The following DLGAP1 variants were observed in gnomAD, a reference collection of about 807,000 sequenced individuals.
The protein encoded by DLGAP1 is disks large-associated protein 1.
DLGAP1 carries 11 observed loss-of-function variants against 90.8 expected under a neutral mutation model. The observed-to-expected ratio is 0.12, with a 90% CI of 0.08 to 0.20. DLGAP1 has a LOEUF of 0.20. Ranked by LOEUF, DLGAP1 falls within the 10% of genes least tolerant of loss-of-function variation. The pLI, the probability that DLGAP1 is intolerant of heterozygous loss-of-function variation, is 1.00. For synonymous variants in DLGAP1, 558 were observed against 540.7 expected (o/e 1.03, Z -0.44); for missense variants, 1,050 against 1,333.8 (o/e 0.79, Z 3.31).
At chr18:3,575,959 G>A (rs2055101644) in intron 8 of DLGAP1, among the ~76,000 whole-genome samples, 1 of 152,162 alleles carries the variant, frequency 6.6e-6, no homozygotes, top group South Asian at 2.1e-4. Context: ...TCCATTTTAG[G>A]TCTTTTAACA....
chr18:3,682,904 C>T (rs189396253), intron 7 of DLGAP1, among the ~76,000 whole-genome samples: 123 of 150,562 alleles, frequency 8.2e-4, no homozygotes, highest in Admixed American at 2.3e-3. Flanking sequence ...GTTGCTCAGG[C>T]TGGAGTACAG....
chr18:3,728,321 TATATATAC>T (rs762892257), intron 7 of DLGAP1, among the ~76,000 whole-genome samples: 4,391 of 96,966 alleles, frequency 0.045, 162 homozygotes, highest in African/African-American at 0.16. Context: ...TATATATATA[TATATATAC>T]ATGTTTCATA....
chr18:3,890,355 T>G lies in DLGAP1; in HGVS notation c.-72-10215A>C, dbSNP rs554054994. Among the ~76,000 whole-genome samples, 5 of 152,392 alleles carry G rather than the reference T, an allele frequency of 3.3e-5. No homozygotes were observed. In the East Asian group the frequency reaches 9.6e-4, roughly 29 times the overall value. ...TGTAAGAAGTGAGAAGGACAATCTCTGCAATCGGCTGTTTTTGAAACCTTA... is the reference window on the plus strand; with the variant it reads ...TGTAAGAAGTGAGAAGGACAATCTCGGCAATCGGCTGTTTTTGAAACCTTA... On this transcript the variant is annotated intron_variant, in intron 3 of 12. Coordinates refer to ENST00000315677, the MANE Select transcript of DLGAP1 (RefSeq NM_004746.4).
chr18:4,081,982 C>T (rs1290790706), intron 2 of DLGAP1, among the ~76,000 whole-genome samples: 3 of 150,850 alleles, frequency 2.0e-5, no homozygotes, highest in East Asian at 2.0e-4. Context: ...CTGAGGTGGG[C>T]GGATCACCTG....
chr18:4,267,696 C>T (rs117616814), intron 1 of DLGAP1, among the ~76,000 whole-genome samples: 2 of 152,232 alleles, frequency 1.3e-5, no homozygotes, highest in East Asian at 3.9e-4. Flanking sequence ...GGTTCTGGCT[C>T]AGGATCGCAC....
At chr18:4,408,243 G>T (rs2082705952) in intron 1 of DLGAP1, among the ~76,000 whole-genome samples, 1 of 152,116 alleles carries the variant, frequency 6.6e-6, no homozygotes, top group Non-Finnish European at 1.5e-5. Context: ...TCACGGTAGT[G>T]GTTACAATGC....
chr18:4,118,730 T>C (rs1226745434), intron 2 of DLGAP1, among the ~76,000 whole-genome samples: 2 of 152,052 alleles, frequency 1.3e-5, no homozygotes, highest in African/African-American at 4.8e-5. Context: ...TCAATCAGTT[T>C]CCCTAAGCTT....
At position 3,540,745 on chromosome 18, in the gene DLGAP1, A is replaced by G. The variant is rs1004895546; in HGVS notation, c.2058-6130T>C. Among the ~76,000 whole-genome samples the G allele has an allele frequency of 4.6e-5, 7 of 152,302 alleles. No homozygotes were observed. The South Asian group carries it at 1.4e-3, about 32-fold the overall frequency. On this transcript the variant is annotated intron_variant, in intron 9 of 12. Coordinates refer to ENST00000315677, the MANE Select transcript of DLGAP1 (RefSeq NM_004746.4). ...GTTCATCATTCCTTTGCTTAAATACATCATGCTTGAAGATGTCTTTAAAGT... is the reference window on the plus strand; with the variant it reads ...GTTCATCATTCCTTTGCTTAAATACGTCATGCTTGAAGATGTCTTTAAAGT...
chr18:3,568,321 T>A (rs373139154), intron 8 of DLGAP1, among the ~76,000 whole-genome samples: 1 of 152,192 alleles, frequency 6.6e-6, no homozygotes, highest in Admixed American at 6.6e-5. Flanking sequence ...CTATAGAGTG[T>A]CTTCATTTTT....
chr18:4,311,063 G>T (rs62088073), intron 1 of DLGAP1, among the ~76,000 whole-genome samples: 2,961 of 152,142 alleles, frequency 0.019, 34 homozygotes, highest in Admixed American at 0.029. Context: ...CAAAGCCTAG[G>T]TCTAAAGAGA....
At chr18:3,507,474 T>C (rs1443734316) in intron 11 of DLGAP1, among the ~76,000 whole-genome samples, 4 of 152,064 alleles carry the variant, frequency 2.6e-5, no homozygotes, top group African/African-American at 9.7e-5. Context: ...CGAGCCGAGA[T>C]CGTGCCATTG....
At chr18:3,505,992 T>G (rs2050191768) in intron 11 of DLGAP1, among the ~76,000 whole-genome samples, 2 of 152,098 alleles carry the variant, frequency 1.3e-5, no homozygotes, top group African/African-American at 4.8e-5. Flanking sequence ...ATCCCAACAC[T>G]TTGGGAGGCC....
rs139215953 is a variant in DLGAP1 at position 4,218,527 on chromosome 18, T to C, written c.-266-67240A>G. Among the ~76,000 whole-genome samples, 87 of 152,106 alleles carry C rather than the reference T, an allele frequency of 5.7e-4. No homozygotes were observed. The Middle Eastern group carries it at 0.01, about 18-fold the overall frequency. On this transcript the variant is annotated intron_variant, in intron 1 of 12. Transcript: ENST00000315677. ...CAATATATAATACATTATTATTGAT[T>C]ATGGTCACTATTCTGTGCAATAGAT...
intron 1 of DLGAP1, among the ~76,000 whole-genome samples, chr18:4,375,550 GTTC>G (rs1340857809): frequency 6.6e-6 from 1 of 152,078 alleles, no homozygotes; most frequent in East Asian, 1.9e-4. Flanking sequence ...CCAAAGCTAT[GTTC>G]TTCTTTCTAA....
intron 1 of DLGAP1, among the ~76,000 whole-genome samples, chr18:4,283,642 A>T (rs866564772): frequency 4.6e-5 from 7 of 152,190 alleles, no homozygotes; most frequent in African/African-American, 1.4e-4. Context: ...AGAGTTTATA[A>T]AGAAAGTTTT....
At chr18:3,571,034 A>T (rs2054751502) in intron 8 of DLGAP1, among the ~76,000 whole-genome samples, 1 of 151,952 alleles carries the variant, frequency 6.6e-6, no homozygotes. Context: ...CAAATTGTCA[A>T]GCTCGTCCTG....
rs114125490 is a variant in DLGAP1 at position 3,966,762 on chromosome 18, C to G, written c.-73+38354G>C. On this transcript the variant is annotated intron_variant, in intron 3 of 12. Transcript: ENST00000315677. ...ACATTGGAGATGTTTATTAGATATT[C>G]AAGTGGAGAGGCCGAGTTGGCAGCT... 9.6e-3 allele frequency among the ~76,000 whole-genome samples: 1,456 copies of G among 152,174 alleles called. 27 individuals carry two copies. Among genetic ancestry groups the G allele is most frequent in the African/African-American group, 0.033 (1,381 of 41,504 alleles).
intron 7 of DLGAP1, among the ~76,000 whole-genome samples, chr18:3,644,777 A>G (rs2146356861): frequency 6.6e-6 from 1 of 152,318 alleles, no homozygotes; most frequent in East Asian, 1.9e-4. Flanking sequence ...AATGTGTGGC[A>G]AAGAAGAAAC....
chr18:4,434,889 T>C (rs1207535860), intron 1 of DLGAP1, among the ~76,000 whole-genome samples: 1 of 152,136 alleles, frequency 6.6e-6, no homozygotes, highest in East Asian at 1.9e-4. Context: ...TAAAACACCG[T>C]GTTATTTAGG....
Sources: gnomAD v4.1 joint callset for allele counts (sites outside exome capture counted in the v4.1 genomes callset) on GRCh38, gnomAD v4.1.1 for gene constraint, MANE v1.5 for transcripts, NCBI Gene and HGNC (gene_info 2026-07-23, HGNC 2026-07-21) for gene names.